UNC13B: variants seen among roughly 807,000 people sequenced by gnomAD.
The protein encoded by UNC13B is protein unc-13 homolog B.
Under a neutral mutation model 211.0 loss-of-function variants are expected in UNC13B, and 144 were observed. The ratio of observed to expected loss-of-function variants is 0.68; its 90% CI spans 0.60 to 0.78. The LOEUF (loss-of-function observed/expected upper bound fraction) is 0.78, where lower values mean the gene tolerates loss of function less well. Ranked by LOEUF, UNC13B falls within the 30% of genes least tolerant of loss-of-function variation. The pLI is 0.00. For synonymous variants in UNC13B, 709 were observed against 725.8 expected, an observed-to-expected ratio of 0.98 and a Z score of 0.37; for missense variants, 1,777 against 2,002.0, an observed-to-expected ratio of 0.89 and a Z score of 2.14.
At chr9:35,210,085 T>A (rs543307288) in intron 1 of UNC13B, among the ~76,000 whole-genome samples, 16 of 151,304 alleles carry the variant, frequency 1.1e-4, no homozygotes, top group Admixed American at 3.9e-4. Context: ...AAAAAAAAAA[T>A]TTTTTTTTCC....
chr9:35,275,692 A>G (rs1828137548), intron 7 of UNC13B, among the ~76,000 whole-genome samples: 1 of 151,960 alleles, frequency 6.6e-6, no homozygotes. Flanking sequence ...TCCTGGGTTT[A>G]AGTGATTCCC....
intron 11 of UNC13B, among the ~76,000 whole-genome samples, chr9:35,354,269 C>T (rs1832893585): frequency 6.6e-6 from 1 of 152,170 alleles, no homozygotes; most frequent in South Asian, 2.1e-4. Context: ...AAATTCTTCT[C>T]TGTGGATTTG....
intron 9 of UNC13B, 31 bp from the exon 10 acceptor site, chr9:35,310,436 T>G: frequency 6.2e-7 from 1 of 1,601,532 alleles, no homozygotes; most frequent in Non-Finnish European, 8.5e-7. Flanking sequence ...TTGCATTTAT[T>G]TACTTATCTG....
intron 6 of UNC13B, among the ~76,000 whole-genome samples, chr9:35,257,487 A>T (rs1338238380): frequency 6.9e-6 from 1 of 145,624 alleles, no homozygotes; most frequent in African/African-American, 2.5e-5. Context: ...AGGCTGAAGC[A>T]CAAGAATTGT....
intron 21 of UNC13B, among the ~76,000 whole-genome samples, chr9:35,383,155 T>A (rs1834973231): frequency 6.6e-6 from 1 of 152,230 alleles, no homozygotes; most frequent in Non-Finnish European, 1.5e-5. Context: ...TCAGTCTGTC[T>A]GTGATGGATT....
intron 6 of UNC13B, among the ~76,000 whole-genome samples, chr9:35,249,581 T>A (rs1051859975): frequency 1.3e-5 from 2 of 152,214 alleles, no homozygotes; most frequent in Non-Finnish European, 2.9e-5. Flanking sequence ...CATTTGCTTG[T>A]CTGTAAAGTA....
At chr9:35,165,454 G>T (rs1183901182) in intron 1 of UNC13B, among the ~76,000 whole-genome samples, 11 of 140,280 alleles carry the variant, frequency 7.8e-5, no homozygotes, top group African/African-American at 2.4e-4. Flanking sequence ...TGGAGTCTCT[G>T]TTGCCCAGGC....
chr9:35,199,589 G>A (rs1157339596), intron 1 of UNC13B, among the ~76,000 whole-genome samples: 2 of 152,142 alleles, frequency 1.3e-5, no homozygotes, highest in African/African-American at 2.4e-5. Context: ...TTCTCTGATG[G>A]CCAGTGATGA....
Position 35,378,187 on chromosome 9 carries a change from G to A in UNC13B, c.10064-108G>A, listed in dbSNP as rs1252213372. 15 of 1,422,648 alleles carry A rather than the reference G, an allele frequency of 1.1e-5. No homozygotes were observed. The East Asian group carries it at 2.1e-4, about 20-fold the overall frequency. 88.1% of individuals were successfully genotyped at this position (1,422,648 alleles called of 1,614,324 possible). A position where few individuals can be genotyped will look rare whatever the true frequency, so the allele number is the denominator to read the frequency against. On this transcript the variant is annotated intron_variant, in intron 16 of 39. Transcript: ENST00000635942. ...AATAAATATGGAGGAATGGGATTAC[G>A]GTATCTGTGCAAGGAGCATAGACTG...
intron 7 of UNC13B, 141 bp downstream of exon 7, chr9:35,259,191 G>A (rs932877018): frequency 2.3e-6 from 2 of 855,446 alleles, no homozygotes; most frequent in Non-Finnish European, 3.6e-6. Flanking sequence ...CTGTTCAGGC[G>A]CCTTTCTCTG....
intron 7 of UNC13B, among the ~76,000 whole-genome samples, chr9:35,266,906 G>C (rs1211433710): frequency 6.6e-6 from 1 of 152,214 alleles, no homozygotes; most frequent in South Asian, 2.1e-4. Flanking sequence ...CAGAAGAAGT[G>C]ATCTTTGTGG....
In UNC13B at chr9:35,162,207, C is replaced by G. The variant is rs1820813103; in HGVS notation, c.-77C>G. 1 of 1,537,284 alleles carries G rather than the reference C, an allele frequency of 6.5e-7. No homozygotes were observed. Among genetic ancestry groups the G allele is most frequent in the South Asian group, 1.2e-5 (1 of 83,880 alleles). On this transcript the variant is annotated 5_prime_UTR_variant, in exon 1 of 40. Coordinates refer to ENST00000635942, the MANE Select transcript of UNC13B (RefSeq NM_001371189.2). ...CCGTGGGGCCGGTAACGAGAGCAGT[C>G]GCGGCACCTGCTGAGAGGAAAGAGG...
At chr9:35,351,646 T>C in intron 11 of UNC13B, 2 of 1,232,266 alleles carry the variant, frequency 1.6e-6, no homozygotes, top group Non-Finnish European at 2.0e-6. Context: ...GCAAATCCTC[T>C]GGCCCTGCTG....
At chr9:35,401,079 T>A (rs538251810) in intron 37 of UNC13B, among the ~76,000 whole-genome samples, 3 of 152,248 alleles carry the variant, frequency 2.0e-5, no homozygotes, top group African/African-American at 7.2e-5. Flanking sequence ...AAAACACATC[T>A]GCATAGATGT....
intron 26 of UNC13B, among the ~76,000 whole-genome samples, chr9:35,391,268 G>C (rs1835514719): frequency 1.3e-5 from 2 of 152,014 alleles, no homozygotes; most frequent in South Asian, 4.2e-4. Context: ...TTCCTACCTT[G>C]GTCCACAAAG....
intron 11 of UNC13B, chr9:35,360,823 G>A (rs1833364153): frequency 1.3e-5 from 2 of 152,120 alleles, no homozygotes; most frequent in African/African-American, 4.8e-5. Context: ...ACAGGCATAT[G>A]CCACCACACC....
intron 11 of UNC13B, among the ~76,000 whole-genome samples, chr9:35,338,942 TG>T: frequency 6.6e-6 from 1 of 152,342 alleles, no homozygotes; most frequent in East Asian, 1.9e-4. Flanking sequence ...CCAGTATTTC[TG>T]TGACACCACT....
intron 1 of UNC13B, among the ~76,000 whole-genome samples, chr9:35,176,957 A>G (rs140409644): frequency 6.6e-6 from 1 of 152,204 alleles, no homozygotes; most frequent in Non-Finnish European, 1.5e-5. Flanking sequence ...GAGAGAAGGC[A>G]AGTATAGCCA....
chr9:35,382,520 TA>T lies in UNC13B; in HGVS notation c.10806+16del. On this transcript the variant is annotated intron_variant, in intron 21 of 39. Transcript: ENST00000635942. Reference sequence around the variant, plus strand: ...CTCCAACTTTGGGGTAAGTATCATGTAAACACATATGTCTGCATTTGTTACC... The same window carrying T: ...CTCCAACTTTGGGGTAAGTATCATGTAACACATATGTCTGCATTTGTTACC... 2 of 1,602,246 alleles carry T rather than the reference TA, an allele frequency of 1.2e-6. No individual in the cohort carries two copies. The highest frequency in any genetic ancestry group is 1.7e-6 in the Non-Finnish European group (2 of 1,176,828).
Sources: gnomAD v4.1 joint callset for allele counts (sites outside exome capture counted in the v4.1 genomes callset) on GRCh38, gnomAD v4.1.1 for gene constraint, MANE v1.5 for transcripts, NCBI Gene and HGNC (gene_info 2026-07-23, HGNC 2026-07-21) for gene names.